Variants in RAB11FIP3 observed in about 807,000 individuals in gnomAD.
RAB11FIP3 encodes rab11 family-interacting protein 3.
In RAB11FIP3, 17 loss-of-function variants were observed where a neutral mutation model predicts 77.8. The ratio of observed to expected loss-of-function variants is 0.22; its 90% CI spans 0.15 to 0.33. The LOEUF is 0.33. RAB11FIP3 is among the 10% of genes least tolerant of loss of function. RAB11FIP3 has a pLI of 1.00. For synonymous variants in RAB11FIP3, 437 were observed against 448.2 expected, an observed-to-expected ratio of 0.98 and a Z score of 0.31; for missense variants, 1,005 against 1,011.2, an observed-to-expected ratio of 0.99 and a Z score of 0.08.
At chr16:429,178 C>T (rs2054997512) in intron 1 of RAB11FIP3, among the ~76,000 whole-genome samples, 1 of 152,096 alleles carries the variant, frequency 6.6e-6, no homozygotes, top group Non-Finnish European at 1.5e-5. Flanking sequence ...ACCCTGTAGC[C>T]ATTGCTCAGT....
chr16:429,603 G>A (rs1429752791), intron 1 of RAB11FIP3, among the ~76,000 whole-genome samples: 1 of 151,660 alleles, frequency 6.6e-6, no homozygotes, highest in South Asian at 2.1e-4. Context: ...GGGTTCAAGC[G>A]ATTCTCCTGC....
rs2055824736 is a variant in RAB11FIP3, at chr16:472,347, C to T, written c.903+958C>T. Reference sequence around the variant, plus strand: ...GGCGGTGTCCCAGTTATCAGCTGGGCTGCAGCTTCTGGGGCCAGGGCGCCC... The same window carrying T: ...GGCGGTGTCCCAGTTATCAGCTGGGTTGCAGCTTCTGGGGCCAGGGCGCCC... On this transcript the variant is annotated intron_variant, in intron 3 of 13. Coordinates refer to ENST00000262305, the MANE Select transcript of RAB11FIP3 (RefSeq NM_014700.4). The surrounding 1 kb of genome is among the most constrained non-coding windows in gnomAD (Gnocchi z 4.1). 6.6e-6 allele frequency among the ~76,000 whole-genome samples: 1 copy of T among 152,216 alleles called. No homozygotes were observed. Among genetic ancestry groups the T allele is most frequent in the African/African-American group, 2.4e-5 (1 of 41,460 alleles).
chr16:463,443 T>G (rs2055650570), intron 2 of RAB11FIP3, among the ~76,000 whole-genome samples: 2 of 147,952 alleles, frequency 1.4e-5, no homozygotes, highest in African/African-American at 2.5e-5. Context: ...TTTTTTTTTT[T>G]TTTTTTTTTT....
At chr16:500,376 C>T (rs2031424661) in intron 6 of RAB11FIP3, among the ~76,000 whole-genome samples, 1 of 152,082 alleles carries the variant, frequency 6.6e-6, no homozygotes, top group Non-Finnish European at 1.5e-5. Context: ...ATCCCTCTTT[C>T]TAGGGGATTT....
At chr16:491,419 T>C in intron 5 of RAB11FIP3, 1 of 564,932 alleles carries the variant, frequency 1.8e-6, no homozygotes, top group Non-Finnish European at 2.2e-6. Context: ...CCCTGCACGC[T>C]GTGGGGCCAC....
intron 5 of RAB11FIP3, among the ~76,000 whole-genome samples, chr16:490,554 C>G (rs1484060765): frequency 6.6e-6 from 1 of 152,162 alleles, no homozygotes; most frequent in Non-Finnish European, 1.5e-5. Context: ...CCAGGCTGGT[C>G]TCAAACGCCT....
intron 3 of RAB11FIP3, among the ~76,000 whole-genome samples, chr16:478,540 T>C (rs533675409): frequency 6.6e-5 from 10 of 152,174 alleles, no homozygotes; most frequent in Non-Finnish European, 1.3e-4. Context: ...AGGGCATCTT[T>C]TTCTGCTGGG....
chr16:520,947 A>G lies in RAB11FIP3; in HGVS notation c.*108A>G. ...GCAGGTCCCACAGCCGACAGTGCCC[A>G]GAGCATGCAGGGAACCCTCGTGCAG... On this transcript the variant is annotated 3_prime_UTR_variant, in exon 14 of 14. Coordinates refer to ENST00000262305, the MANE Select transcript of RAB11FIP3 (RefSeq NM_014700.4). 1 of 912,122 alleles carries G rather than the reference A, an allele frequency of 1.1e-6. No individual in the cohort carries two copies. The highest frequency in any genetic ancestry group is 1.8e-6 in the Non-Finnish European group (1 of 564,124). The allele number at this position is 912,122 out of a possible 1,614,324, so 56.5% of individuals were successfully genotyped here.
At chr16:432,085 T>C (rs2055046650) in intron 1 of RAB11FIP3, among the ~76,000 whole-genome samples, 1 of 152,074 alleles carries the variant, frequency 6.6e-6, no homozygotes, top group East Asian at 1.9e-4. Context: ...AGATGTTCAT[T>C]GTTTTAAAAG....
At chr16:446,250 G>A (rs927661626) in intron 1 of RAB11FIP3, among the ~76,000 whole-genome samples, 6 of 152,034 alleles carry the variant, frequency 3.9e-5, no homozygotes, top group Middle Eastern at 3.2e-3. Context: ...GTGAAACCCC[G>A]TGTCTTTGAA....
intron 9 of RAB11FIP3, among the ~76,000 whole-genome samples, chr16:512,541 T>TC (rs2032234535): frequency 9.0e-6 from 1 of 111,040 alleles, no homozygotes; most frequent in African/African-American, 3.9e-5. Flanking sequence ...CGCCCGGCCT[T>TC]TTTTTTTTTT....
intron 3 of RAB11FIP3, among the ~76,000 whole-genome samples, chr16:478,829 A>C (rs998989813): frequency 6.6e-6 from 1 of 152,028 alleles, no homozygotes; most frequent in Non-Finnish European, 1.5e-5. Context: ...AGCTGGGCAC[A>C]GTGGTGCATG....
chr16:487,244 T>C (rs961374581), intron 4 of RAB11FIP3, among the ~76,000 whole-genome samples: 3 of 151,800 alleles, frequency 2.0e-5, no homozygotes, highest in South Asian at 4.1e-4. Context: ...CATTCTCCTG[T>C]CTCAGCCTCC....
intron 5 of RAB11FIP3, chr16:491,398 C>G (rs1040538556): frequency 1.0e-6 from 1 of 1,003,002 alleles, no homozygotes; most frequent in African/African-American, 1.7e-5. Flanking sequence ...TCCCTGGGGC[C>G]CCGCCTCCCA....
Position 522,173 on chromosome 16 carries a change from T to G in RAB11FIP3, c.*1334T>G, listed in dbSNP as rs2032728196. 1 of 151,376 alleles carries G rather than the reference T, an allele frequency of 6.6e-6. No individual in the cohort carries two copies. The highest frequency in any genetic ancestry group is 2.1e-4 in the South Asian group (1 of 4,804). The allele number at this position is 151,376 out of a possible 1,614,324, so 9.4% of individuals were successfully genotyped here. A position where few individuals can be genotyped will look rare whatever the true frequency, so the allele number is the denominator to read the frequency against. ...GGAGAGATTTTTCTATCATGTAGAG[T>G]AGGTATTTTTTATAGATTGAAGGTT... is the stretch of plus-strand genomic sequence containing the variant. On this transcript the variant is annotated 3_prime_UTR_variant, in exon 14 of 14. Coordinates refer to ENST00000262305, the MANE Select transcript of RAB11FIP3 (RefSeq NM_014700.4).
chr16:441,004 A>C (rs748447158), intron 1 of RAB11FIP3, among the ~76,000 whole-genome samples: 14 of 151,798 alleles, frequency 9.2e-5, no homozygotes, highest in Non-Finnish European at 1.8e-4. Flanking sequence ...GCATTGGTGC[A>C]ATCTCGGCTC....
chr16:446,989 A>C (rs1369617162), intron 1 of RAB11FIP3, among the ~76,000 whole-genome samples: 1 of 151,160 alleles, frequency 6.6e-6, no homozygotes, highest in Non-Finnish European at 1.5e-5. Flanking sequence ...GTGAGCCACC[A>C]TGCCCGGCTT....
At chr16:469,126 C>T (rs918570566) in intron 2 of RAB11FIP3, among the ~76,000 whole-genome samples, 4 of 151,910 alleles carry the variant, frequency 2.6e-5, no homozygotes, top group Non-Finnish European at 2.9e-5. Flanking sequence ...AGTGCAGTGG[C>T]GCGATCTTGG....
chr16:469,852 G>C (rs1447706594), intron 2 of RAB11FIP3, among the ~76,000 whole-genome samples: 2 of 151,900 alleles, frequency 1.3e-5, no homozygotes, highest in Non-Finnish European at 2.9e-5. Context: ...TTCGAGACAG[G>C]GTCTTGCTCT....
Sources: allele counts gnomAD v4.1 joint callset (sites outside exome capture counted in the v4.1 genomes callset), GRCh38; gene constraint gnomAD v4.1.1; non-coding constraint Gnocchi (gnomAD v3.1); transcripts MANE v1.5; gene names NCBI Gene and HGNC (gene_info 2026-07-23, HGNC 2026-07-21).